The following PCDHGA11 variants were observed in gnomAD, a reference collection of about 807,000 sequenced individuals.
The protein encoded by PCDHGA11 is protocadherin gamma subfamily A, 11.
In PCDHGA11, 39 loss-of-function variants were observed where a neutral mutation model predicts 60.4. The ratio of observed to expected loss-of-function variants is 0.65; its 90% CI spans 0.50 to 0.84. The LOEUF is 0.84. Among genes scored for constraint, PCDHGA11 ranks in the 40% least tolerant of loss-of-function variants. PCDHGA11 has a pLI of 0.00. For missense variants in PCDHGA11, 1,165 were observed against 1,197.7 expected (o/e 0.97, Z 0.40); for synonymous variants, 533 against 510.3 (o/e 1.04, Z -0.60).
chr5:141,422,683 G>A lies in PCDHGA11; in HGVS notation c.1456G>A (p.Ala486Thr). 1 of 1,605,286 alleles carries A rather than the reference G, an allele frequency of 6.2e-7. No individual in the cohort carries two copies. Among genetic ancestry groups the A allele is most frequent in the Non-Finnish European group, 8.5e-7 (1 of 1,175,366 alleles). The change falls in exon 1 of 4, where the codon GCC (alanine) becomes ACC (threonine). Residue 486 changes from alanine to threonine, a missense_variant. Ala to Thr is a moderately conservative substitution (Grantham distance 58). Transcript: ENST00000398587. The stretch of plus-strand genomic sequence containing the variant: ...CCTCGACCCGGACAGCAAACAGAAT[G>A]CCCTGGTCACTTACTCTCTGACGGA... ...TALDPDSKQN[A>T]LVTYSLTDDT... is the part of the protein sequence containing the mutation.
At chr5:141,440,617 C>T (rs1469883341) in intron 1 of PCDHGA11, 1 of 152,168 alleles carries the variant, frequency 6.6e-6, no homozygotes, top group East Asian at 1.9e-4. Context: ...TGCAGAAGAT[C>T]CTGATGTTGA....
Position 141,432,979 on chromosome 5 carries a change from TGTGGGC to T in PCDHGA11, c.2433+9324_2433+9329del. 1 of 1,614,228 alleles carries T rather than the reference TGTGGGC, an allele frequency of 6.2e-7. No individual in the cohort carries two copies. On this transcript the variant is annotated intron_variant, in intron 1 of 3. Coordinates refer to ENST00000398587, the MANE Select transcript of PCDHGA11 (RefSeq NM_018914.3). The surrounding 1 kb of genome is among the most constrained non-coding windows in gnomAD (Gnocchi z 6.0). ...TGACAGGAGCGCCGGCGTCGCACTTTGTGGGCGTGGACGGGGTGCAGGCTTTCCTGC... is the reference window on the plus strand; with the variant it reads ...TGACAGGAGCGCCGGCGTCGCACTTTGTGGACGGGGTGCAGGCTTTCCTGC...
At position 141,421,054 on chromosome 5, in the gene PCDHGA11, A is replaced by C; in HGVS notation, c.-174A>C. Reference sequence around the variant, plus strand: ...AGTCCCTCCCTCCCCCGCCTCTACCACACAAAGCGGAATGAGATGGATACT... The same window carrying C: ...AGTCCCTCCCTCCCCCGCCTCTACCCCACAAAGCGGAATGAGATGGATACT... On this transcript the variant is annotated 5_prime_UTR_variant, in exon 1 of 4. Transcript: ENST00000398587. 3.5e-6 allele frequency: 2 copies of C among 571,978 alleles called. No homozygotes were observed. Among genetic ancestry groups the C allele is most frequent in the Non-Finnish European group, 6.0e-6 (2 of 334,336 alleles). 35.4% of individuals were successfully genotyped at this position (571,978 alleles called of 1,614,324 possible). A position where few individuals can be genotyped will look rare whatever the true frequency, so the allele number is the denominator to read the frequency against.
chr5:141,436,287 T>A (rs565612572), intron 1 of PCDHGA11, among the ~76,000 whole-genome samples: 1 of 152,262 alleles, frequency 6.6e-6, no homozygotes, highest in Admixed American at 6.5e-5. Context: ...TAGGAACAAA[T>A]CATTGAGAGT....
At chr5:141,427,450 C>A in intron 1 of PCDHGA11, 1 of 486,442 alleles carries the variant, frequency 2.1e-6, no homozygotes, top group Non-Finnish European at 4.0e-6. Context: ...GAAAGAGTTC[C>A]TTTTAGAATC....
In PCDHGA11 at chr5:141,422,945, C is replaced by T. The variant is rs13188215; in HGVS notation, c.1718C>T (p.Ser573Phe). The change falls in exon 1 of 4, where the codon TCC (serine) becomes TTC (phenylalanine). Residue 573 changes from serine to phenylalanine, a missense_variant. Physicochemically the swap from Ser to Phe is radical, Grantham distance 155. Coordinates refer to ENST00000398587, the MANE Select transcript of PCDHGA11 (RefSeq NM_018914.3). ...TACCCTGCCCTCCCCACAGACGGCTCCACTGGCGTGGAGCTGGCGCCCCGC... is the reference window on the plus strand; with the variant it reads ...TACCCTGCCCTCCCCACAGACGGCTTCACTGGCGTGGAGCTGGCGCCCCGC... ...ILYPALPTDG[S>F]TGVELAPRSA... The T allele has an allele frequency of 6.2e-7, 1 of 1,614,134 alleles. No individual in the cohort carries two copies. Among genetic ancestry groups the T allele is most frequent in the Non-Finnish European group, 8.5e-7 (1 of 1,180,052 alleles).
Position 141,489,079 on chromosome 5 carries a change from C to CCCCA in PCDHGA11, c.2434-5727_2434-5726insCCAC. ...CTCCCCTCCCCCCTGCCCACCCCCGCCACTCGGTGACTAAGAACTGCTGCA... is the reference window on the plus strand; with the variant it reads ...CTCCCCTCCCCCCTGCCCACCCCCGCCCCACACTCGGTGACTAAGAACTGCTGCA... On this transcript the variant is annotated intron_variant, in intron 1 of 3. Transcript: ENST00000398587. This position sits in a 1 kb window ranked among gnomAD's most constrained non-coding sequence, Gnocchi z 4.5. The CCCCA allele has an allele frequency of 9.1e-6, 3 of 329,992 alleles. No homozygotes were observed. Among genetic ancestry groups the CCCCA allele is most frequent in the African/African-American group, 2.4e-5 (1 of 41,312 alleles). The allele number at this position is 329,992 out of a possible 1,614,324, so 20.4% of individuals were successfully genotyped here.
intron 1 of PCDHGA11, chr5:141,484,931 A>G (rs940135310): frequency 1.4e-5 from 7 of 497,998 alleles, no homozygotes; most frequent in Non-Finnish European, 2.5e-5. Flanking sequence ...TGCTGTTGGG[A>G]CGTTCTCTGC....
rs150897033 is a variant in PCDHGA11, at chr5:141,453,434, G to C, written c.2433+29774G>C. Among the ~76,000 whole-genome samples the C allele has an allele frequency of 3.9e-3, 592 of 151,994 alleles. 6 individuals are homozygous for C. The highest frequency in any genetic ancestry group is 0.011 in the Admixed American group (171 of 15,256). On this transcript the variant is annotated intron_variant, in intron 1 of 3. Coordinates refer to ENST00000398587, the MANE Select transcript of PCDHGA11 (RefSeq NM_018914.3). Reference sequence around the variant, plus strand: ...GGCATAAGCCACCACACCTAGCCTAGTATTCTTTTTTGAATATGTAAAACA... The same window carrying C: ...GGCATAAGCCACCACACCTAGCCTACTATTCTTTTTTGAATATGTAAAACA...
Position 141,489,089 on chromosome 5 carries a change from A to T in PCDHGA11, c.2434-5718A>T, listed in dbSNP as rs1214993065. The T allele has an allele frequency of 7.4e-5, 21 of 284,398 alleles. No homozygotes were observed. Among genetic ancestry groups the T allele is most frequent in the East Asian group, 1.1e-4 (2 of 17,560 alleles). The allele number at this position is 284,398 out of a possible 1,614,324, so 17.6% of individuals were successfully genotyped here. On this transcript the variant is annotated intron_variant, in intron 1 of 3. Coordinates refer to ENST00000398587, the MANE Select transcript of PCDHGA11 (RefSeq NM_018914.3). This position sits in a 1 kb window ranked among gnomAD's most constrained non-coding sequence, Gnocchi z 4.5. ...CCCTGCCCACCCCCGCCACTCGGTGACTAAGAACTGCTGCAAGCAGGCAAA... is the reference window on the plus strand; with the variant it reads ...CCCTGCCCACCCCCGCCACTCGGTGTCTAAGAACTGCTGCAAGCAGGCAAA...
At position 141,512,350 on chromosome 5, in the gene PCDHGA11, G is replaced by C. The variant is rs1406428686; in HGVS notation, c.*1177G>C. ...CCATTCTTAGTCCCTGGGTTGGGGA[G>C]GCAGGGAGCTAGGGCAGGGACCAAA... is the stretch of plus-strand genomic sequence containing the variant. On this transcript the variant is annotated 3_prime_UTR_variant, in exon 4 of 4. Transcript: ENST00000398587. The C allele has an allele frequency of 6.5e-6, 1 of 152,906 alleles. No homozygotes were observed. The highest frequency in any genetic ancestry group is 1.9e-4 in the East Asian group (1 of 5,208). 9.5% of individuals were successfully genotyped at this position (152,906 alleles called of 1,614,324 possible).
chr5:141,508,269 C>T (rs1459186158), intron 3 of PCDHGA11: 1 of 152,186 alleles, frequency 6.6e-6, no homozygotes, highest in East Asian at 1.9e-4. Flanking sequence ...GAGAAAATCC[C>T]GGTCCTTGAC....
intron 1 of PCDHGA11, among the ~76,000 whole-genome samples, chr5:141,465,307 T>C (rs2099100636): frequency 6.6e-6 from 1 of 152,218 alleles, no homozygotes; most frequent in Non-Finnish European, 1.5e-5. Context: ...CCTGGGAATT[T>C]AGCCATGTCA....
Position 141,491,913 on chromosome 5 carries a change from T to C in PCDHGA11, c.2434-2894T>C, listed in dbSNP as rs2099735120. 2.1e-6 allele frequency: 3 copies of C among 1,398,206 alleles called. No homozygotes were observed. Among genetic ancestry groups the C allele is most frequent in the Non-Finnish European group, 2.9e-6 (3 of 1,051,918 alleles). The allele number at this position is 1,398,206 out of a possible 1,614,324, so 86.6% of individuals were successfully genotyped here. On this transcript the variant is annotated intron_variant, in intron 1 of 3. Coordinates refer to ENST00000398587, the MANE Select transcript of PCDHGA11 (RefSeq NM_018914.3). The surrounding 1 kb of genome is among the most constrained non-coding windows in gnomAD (Gnocchi z 6.9). ...TCCGAGCACCGGGGGTGGTGGCGAC[T>C]GTGGGCGAGGGGAGGTGGGACCGAC... is the stretch of plus-strand genomic sequence containing the variant.
At chr5:141,470,862 G>T (rs1363111218) in intron 1 of PCDHGA11, among the ~76,000 whole-genome samples, 1 of 151,596 alleles carries the variant, frequency 6.6e-6, no homozygotes, top group Non-Finnish European at 1.5e-5. Context: ...TAAGTTTTTT[G>T]TTTGTTTGTT....
At position 141,443,088 on chromosome 5, in the gene PCDHGA11, T is replaced by C. The variant is rs188899890; in HGVS notation, c.2433+19428T>C. On this transcript the variant is annotated intron_variant, in intron 1 of 3. Transcript: ENST00000398587. ...CGTCTTATGACTGAGTGTTCCAGTC[T>C]CCTTCTCAAGCTGAACCTTGCTTTT... is the stretch of plus-strand genomic sequence containing the variant. 2.9e-3 allele frequency among the ~76,000 whole-genome samples: 446 copies of C among 152,092 alleles called. 1 individual carries two copies. Among genetic ancestry groups the C allele is most frequent in the Middle Eastern group, 0.014 (4 of 294 alleles).
At chr5:141,502,866 C>CTTT (rs549047197) in intron 2 of PCDHGA11, among the ~76,000 whole-genome samples, 3 of 128,046 alleles carry the variant, frequency 2.3e-5, no homozygotes, top group African/African-American at 9.3e-5. Context: ...GACTCTCTGT[C>CTTT]TTTTTTTTTT....
At position 141,431,942 on chromosome 5, in the gene PCDHGA11, G is replaced by A. The variant is rs1284808063; in HGVS notation, c.2433+8282G>A. 6.2e-7 allele frequency: 1 copy of A among 1,614,116 alleles called. No homozygotes were observed. The highest frequency in any genetic ancestry group is 2.2e-5 in the East Asian group (1 of 44,884). ...CCAAGGAAATCTGCCCTTTAAATTA[G>A]AAAAATCTTACGGAAATTACTATAG... On this transcript the variant is annotated intron_variant, in intron 1 of 3. Transcript: ENST00000398587. The surrounding 1 kb of genome is among the most constrained non-coding windows in gnomAD (Gnocchi z 4.8).
In PCDHGA11 at chr5:141,421,303, G is replaced by C; in HGVS notation, c.76G>C (p.Gly26Arg). ...GTGCATTTTCCTGGGGACGCTGCGG[G>C]GGTTCCGGGCCAGGCAGATCCGATA... ...LLCIFLGTLR[G>R]FRARQIRYSV... The change falls in exon 1 of 4, where the codon GGG (glycine) becomes CGG (arginine). Residue 26 changes from glycine to arginine, a missense_variant. Gly to Arg is a moderately radical substitution (Grantham distance 125). Transcript: ENST00000398587. The C allele has an allele frequency of 6.2e-7, 1 of 1,613,660 alleles. No homozygotes were observed. The highest frequency in any genetic ancestry group is 8.5e-7 in the Non-Finnish European group (1 of 1,179,846).
Sources: gnomAD v4.1 joint callset for allele counts (sites outside exome capture counted in the v4.1 genomes callset) on GRCh38, gnomAD v4.1.1 for gene constraint, Gnocchi (gnomAD v3.1) non-coding constraint, MANE v1.5 for transcripts, NCBI Gene and HGNC (gene_info 2026-07-23, HGNC 2026-07-21) for gene names.